Variants in GLRA2 observed in about 807,000 individuals in gnomAD.
GLRA2 encodes the protein glycine receptor alpha 2, also known as glycine receptor subunit alpha-2.
GLRA2 carries 11 observed loss-of-function variants against 31.6 expected under a neutral mutation model. That is an observed-to-expected ratio of 0.35 (90% CI 0.22 to 0.58). The LOEUF is 0.58. Ranked by LOEUF, GLRA2 falls within the 20% of genes least tolerant of loss-of-function variation. The pLI is 0.84. For missense variants in GLRA2, 212 were observed against 351.8 expected (o/e 0.60, Z 3.18); for synonymous variants, 132 against 134.0 (o/e 0.99, Z 0.10).
chrX:14,542,742 C>T (rs967921759), intron 2 of GLRA2, among the ~76,000 whole-genome samples: 4 of 110,385 alleles, frequency 3.6e-5, no homozygotes, highest in African/African-American at 1.3e-4. Flanking sequence ...TTTCATATCT[C>T]ATTGCCACAA....
At chrX:14,713,488 C>T (rs1249413459) in intron 8 of GLRA2, among the ~76,000 whole-genome samples, 1 of 112,007 alleles carries the variant, frequency 8.9e-6, no homozygotes, top group Non-Finnish European at 1.9e-5. Context: ...TTCTAAACTA[C>T]TCTCTAAGGC....
chrX:14,487,387 TAAAAAAAA>T, the GLRA2 span, among the ~76,000 whole-genome samples: 2 of 27,946 alleles, frequency 7.2e-5, no homozygotes, highest in Non-Finnish European at 1.3e-4. Flanking sequence ...TGGTTTTCTG[TAAAAAAAA>T]AAAAAAAAAA....
chrX:14,617,081 T>C (rs1386085690), intron 7 of GLRA2, among the ~76,000 whole-genome samples: 1 of 111,893 alleles, frequency 8.9e-6, no homozygotes, highest in Admixed American at 9.5e-5. Context: ...GCAGGGAAGC[T>C]GACAGTGAGA....
At chrX:14,728,373 A>G (rs1313023797) in intron 8 of GLRA2, among the ~76,000 whole-genome samples, 1 of 111,522 alleles carries the variant, frequency 9.0e-6, no homozygotes, top group Non-Finnish European at 1.9e-5. Context: ...AGCCTGGGCA[A>G]CAGAGTGAGA....
the GLRA2 span, among the ~76,000 whole-genome samples, chrX:14,481,212 A>G: frequency 2.7e-5 from 3 of 111,347 alleles, no homozygotes; most frequent in Non-Finnish European, 5.7e-5. Context: ...ATTTCTGTAC[A>G]TTGATTTTGT....
chrX:14,712,370 C>T (rs753883501), intron 8 of GLRA2, among the ~76,000 whole-genome samples: 1 of 111,752 alleles, frequency 8.9e-6, no homozygotes, highest in South Asian at 3.7e-4. Context: ...GCAAAAATGA[C>T]CCTAGTTGAG....
At chrX:14,663,805 T>A (rs1359941199) in intron 7 of GLRA2, among the ~76,000 whole-genome samples, 1 of 111,344 alleles carries the variant, frequency 9.0e-6, no homozygotes, top group Non-Finnish European at 1.9e-5. Context: ...TTTAAAAATA[T>A]CTCCTCAGTT....
the GLRA2 span, among the ~76,000 whole-genome samples, chrX:14,522,010 A>G: frequency 3.6e-5 from 4 of 111,741 alleles, no homozygotes; most frequent in African/African-American, 1.3e-4. Context: ...ATAAGACAAT[A>G]TTGAAGTTTG....
intron 2 of GLRA2, among the ~76,000 whole-genome samples, chrX:14,536,730 G>A (rs1830735429): frequency 9.0e-6 from 1 of 110,752 alleles, no homozygotes; most frequent in African/African-American, 3.3e-5. Context: ...TAATCAAGAG[G>A]CCTGAGGTAA....
chrX:14,620,639 T>C (rs752580584), intron 7 of GLRA2, among the ~76,000 whole-genome samples: 24 of 111,254 alleles, frequency 2.2e-4, no homozygotes, highest in Non-Finnish European at 4.0e-4. Context: ...TTTTCCATCC[T>C]TTATCACAAA....
chrX:14,477,243 A>T, the GLRA2 span, among the ~76,000 whole-genome samples: 1 of 112,037 alleles, frequency 8.9e-6, no homozygotes, highest in East Asian at 2.8e-4. Context: ...ACTTCCTTTA[A>T]AATTTCCCAA....
the GLRA2 span, among the ~76,000 whole-genome samples, chrX:14,512,681 A>G: frequency 8.9e-6 from 1 of 111,814 alleles, no homozygotes; most frequent in African/African-American, 3.2e-5. Flanking sequence ...GTAGCTGCAA[A>G]AAAAACTTAG....
the GLRA2 span, among the ~76,000 whole-genome samples, chrX:14,507,974 G>A: frequency 2.5e-3 from 276 of 110,653 alleles, 1 homozygote; most frequent in African/African-American, 8.6e-3. Flanking sequence ...GATTACAGGC[G>A]TGAGCCACTG....
chrX:14,566,558 AT>A (rs755775649), intron 2 of GLRA2, among the ~76,000 whole-genome samples: 53 of 111,459 alleles, frequency 4.8e-4, no homozygotes, highest in Admixed American at 1.5e-3. Flanking sequence ...CTTGGCATCC[AT>A]TTTATATGTA....
chrX:14,570,495 A>G (rs773932962), intron 2 of GLRA2, among the ~76,000 whole-genome samples: 9 of 111,919 alleles, frequency 8.0e-5, no homozygotes, highest in African/African-American at 2.3e-4. Context: ...GGTCTGCAGT[A>G]ACAAGTCCCC....
the GLRA2 span, among the ~76,000 whole-genome samples, chrX:14,512,535 C>A: frequency 1.8e-5 from 2 of 111,467 alleles, no homozygotes; most frequent in South Asian, 7.4e-4. Context: ...AAGACTTCTT[C>A]AAAAAACTCC....
At chrX:14,637,493 T>C (rs1220328751) in intron 7 of GLRA2, among the ~76,000 whole-genome samples, 1 of 111,802 alleles carries the variant, frequency 8.9e-6, no homozygotes, top group Non-Finnish European at 1.9e-5. Flanking sequence ...CTTCTGAAAA[T>C]ATGCAGGTCT....
chrX:14,683,017 G>T (rs1053318425), intron 7 of GLRA2, among the ~76,000 whole-genome samples: 16 of 111,857 alleles, frequency 1.4e-4, no homozygotes, highest in Non-Finnish European at 2.4e-4. Context: ...ACATACGTGT[G>T]CATGTGTCTT....
the GLRA2 span, among the ~76,000 whole-genome samples, chrX:14,509,136 A>C: frequency 8.9e-6 from 1 of 112,394 alleles, no homozygotes; most frequent in African/African-American, 3.2e-5. Context: ...CTCTGTCTTC[A>C]TCTATGGAAT....
Sources: gnomAD v4.1 joint callset for allele counts (sites outside exome capture counted in the v4.1 genomes callset) on GRCh38, gnomAD v4.1.1 for gene constraint, MANE v1.5 for transcripts, NCBI Gene and HGNC (gene_info 2026-07-23, HGNC 2026-07-21) for gene names.